Variants in COL17A1 observed in about 807,000 individuals in gnomAD.
COL17A1 encodes collagen type XVII alpha 1 chain, also known as collagen alpha-1(XVII) chain.
Under a neutral mutation model 218.4 loss-of-function variants are expected in COL17A1, and 181 were observed. That is an observed-to-expected ratio of 0.83 (90% confidence interval 0.73 to 0.94). The LOEUF (loss-of-function observed/expected upper bound fraction) is 0.94. Ranked by LOEUF, COL17A1 falls within the 40% of genes least tolerant of loss-of-function variation. The probability of loss-of-function intolerance (pLI) is 0.00; values close to 1 mark genes in which losing one functional copy is unlikely to be tolerated. For missense variants in COL17A1, 1,924 were observed against 1,945.9 expected, an observed-to-expected ratio of 0.99 and a Z score of 0.21; for synonymous variants, 721 against 731.0, an observed-to-expected ratio of 0.99 and a Z score of 0.22.
chr10:104,041,112 C>T lies in COL17A1; in HGVS notation c.2654G>A (p.Gly885Asp). The change falls in exon 39 of 56, where the codon GGT becomes GAT. Residue 885 changes from glycine (G) to aspartate (D), a missense_variant. By Grantham distance (94) the Gly-to-Asp change is moderately conservative. Transcript: ENST00000648076. ...TGGTGGGCCTGGTGGGCCTGGCAAA[C>T]CCTCCCCTAGGAAAGAGAACCCCCA... ...PPGPRGPPGE[G>D]LPGPPGPPGS... 3 of 1,611,400 alleles carry T rather than the reference C, an allele frequency of 1.9e-6. No homozygotes were observed. The highest frequency in any genetic ancestry group is 2.5e-6 in the Non-Finnish European group (3 of 1,178,996).
intron 9 of COL17A1, among the ~76,000 whole-genome samples, chr10:104,066,869 G>A (rs994526207): frequency 1.3e-5 from 2 of 152,166 alleles, no homozygotes; most frequent in African/African-American, 4.8e-5. Flanking sequence ...AAGTCCCTAT[G>A]GGACAGGGAG....
intron 5 of COL17A1, 121 bp from the exon 6 acceptor site, chr10:104,074,352 A>G: frequency 7.2e-7 from 1 of 1,388,720 alleles, no homozygotes; most frequent in Non-Finnish European, 1.0e-6. Context: ...TTCAGGGGGG[A>G]ATGAGGTATG....
Position 104,056,981 on chromosome 10 carries a change from C to G in COL17A1, c.1459G>C (p.Ala487Pro), listed in dbSNP as rs1353914925. The change falls in exon 17 of 56, where the codon GCT becomes CCT. Residue 487 changes from alanine (A) to proline (P), a missense_variant. Transcript: ENST00000648076. The part of the protein sequence containing the change: ...LLLGLLFGLI[A>P]LAEEVRKLKA... Reference sequence around the variant, plus strand: ...TGCTGCCTTTGCCACGTACCCAGAGCAATGAGGCCGAAGAGCAGCCCCAGG... The same window carrying G: ...TGCTGCCTTTGCCACGTACCCAGAGGAATGAGGCCGAAGAGCAGCCCCAGG... 1 of 1,574,674 alleles carries G rather than the reference C, an allele frequency of 6.4e-7. No individual in the cohort carries two copies.
Position 104,042,540 on chromosome 10 carries a change from T to C in COL17A1, c.2516-85A>G. 6 of 1,405,104 alleles carry C rather than the reference T, an allele frequency of 4.3e-6. No individual in the cohort carries two copies. The South Asian group carries it at 7.0e-5, about 16-fold the overall frequency. 87.0% of individuals were successfully genotyped at this position (1,405,104 alleles called of 1,614,324 possible). ...TAAAGGCATAATTCCTCCCAAGGCA[T>C]GGAACAGAGACCCAAAGAGGCCACC... On this transcript the variant is annotated intron_variant, in intron 35 of 55. Transcript: ENST00000648076.
At chr10:104,074,994 CCCTGAGCACT>C (rs2086698148) in intron 5 of COL17A1, among the ~76,000 whole-genome samples, 1 of 152,232 alleles carries the variant, frequency 6.6e-6, no homozygotes, top group African/African-American at 2.4e-5. Context: ...TCCTTCTTGA[CCCTGAGCACT>C]CTCTTGTGTT....
rs150738577 is a variant in COL17A1 at position 104,055,879 on chromosome 10, C to T, written c.1590G>A (p.Ala530=). The T allele has an allele frequency of 2.0e-3, 3,197 of 1,614,208 alleles. 12 individuals are homozygous for T. In the Middle Eastern group the frequency reaches 0.026, roughly 13 times the overall value. Residue 530 remains alanine, a synonymous_variant, in exon 18 of 56, where the codon GCG becomes GCA. Coordinates refer to ENST00000648076, the MANE Select transcript of COL17A1 (RefSeq NM_000494.4). Reference sequence around the variant, plus strand: ...CAATTTTGTCCAGGTCTGCTCCCGCCGCGGGTGCCATGCCCTGGAGGCGGT... The same window carrying T: ...CAATTTTGTCCAGGTCTGCTCCCGCTGCGGGTGCCATGCCCTGGAGGCGGT... ...EKDRLQGMAP[A]AGADLDKIGL... is the part of the protein sequence containing the mutation.
rs376360128 is a variant in COL17A1, at chr10:104,042,489, C to T, written c.2516-34G>A. On this transcript the variant is annotated intron_variant, in intron 35 of 55. Transcript: ENST00000648076. The stretch of plus-strand genomic sequence containing the variant: ...GGGGTTGAGGAAGAAAAGGCTAAAT[C>T]ATGCATGTAGGGTCATAGGAAGAAC... 1.4e-5 allele frequency: 23 copies of T among 1,611,618 alleles called. No homozygotes were observed. In the African/African-American group the frequency reaches 2.8e-4, roughly 20 times the overall value.
intron 52 of COL17A1, among the ~76,000 whole-genome samples, chr10:104,033,698 G>GAGTT (rs1469805812): frequency 6.6e-6 from 1 of 152,164 alleles, no homozygotes; most frequent in Non-Finnish European, 1.5e-5. Context: ...GACCCAGAAC[G>GAGTT]AGCTAGGTGT....
At chr10:104,052,596 A>C (rs946089360) in intron 23 of COL17A1, among the ~76,000 whole-genome samples, 1 of 152,278 alleles carries the variant, frequency 6.6e-6, no homozygotes, top group East Asian at 1.9e-4. Context: ...CACCTTCCCC[A>C]GCCTCTCCAG....
Position 104,061,298 on chromosome 10 carries a change from C to T in COL17A1, c.979+107G>A, listed in dbSNP as rs1165044789. 3.4e-6 allele frequency: 4 copies of T among 1,161,638 alleles called. No individual in the cohort carries two copies. In the African/African-American group the frequency reaches 6.1e-5, roughly 18 times the overall value. 72.0% of individuals were successfully genotyped at this position (1,161,638 alleles called of 1,614,324 possible). A position where few individuals can be genotyped will look rare whatever the true frequency, so the allele number is the denominator to read the frequency against. On this transcript the variant is annotated intron_variant, in intron 13 of 55. Coordinates refer to ENST00000648076, the MANE Select transcript of COL17A1 (RefSeq NM_000494.4). ...TAAGACCACTCATGGGTCCTATTTC[C>T]TCTTCCAGTATACCATGTGTATTGG...
rs200579128 is a variant in COL17A1 at position 104,039,638 on chromosome 10, C to T, written c.2791G>A (p.Glu931Lys). 41 of 1,614,116 alleles carry T rather than the reference C, an allele frequency of 2.5e-5. No homozygotes were observed. In the Middle Eastern group the frequency reaches 5.0e-4, roughly 19 times the overall value. ...GTTGAGAAACCTGGGAGGCCTTGCTCGCCTGAGGAACACACCAAGGGAGGG... is the reference window on the plus strand; with the variant it reads ...GTTGAGAAACCTGGGAGGCCTTGCTTGCCTGAGGAACACACCAAGGGAGGG... ...GPPGPRGHQG[E>K]QGLPGFSTSG... Residue 931 changes from glutamate (E) to lysine (K), a missense_variant and splice_region_variant, in exon 42 of 56, where the codon GAG becomes AAG. Coordinates refer to ENST00000648076, the MANE Select transcript of COL17A1 (RefSeq NM_000494.4).
intron 53 of COL17A1, 108 bp from the exon 54 acceptor site, chr10:104,033,076 G>A (rs1217295720): frequency 9.2e-6 from 14 of 1,517,154 alleles, no homozygotes; most frequent in Middle Eastern, 1.7e-4. Flanking sequence ...GAGTTTGGAC[G>A]TGTAAGAGGA....
Position 104,072,047 on chromosome 10 carries a change from A to C in COL17A1, c.448T>G (p.Ser150Ala). 1 of 1,614,032 alleles carries C rather than the reference A, an allele frequency of 6.2e-7. No homozygotes were observed. Among genetic ancestry groups the C allele is most frequent in the East Asian group, 2.2e-5 (1 of 44,876 alleles). ...GACCACTTACATCGGGTGGATGGGG[A>C]CGCACTCTGCAGTCGAACTCGAATT... Reference protein sequence around the residue: ...SEIRVRLQSASPSTRWTELDD... With the variant: ...SEIRVRLQSAAPSTRWTELDD... The change falls in exon 8 of 56, where the codon TCC (serine) becomes GCC (alanine). Residue 150 changes from serine (S) to alanine (A), a missense_variant. Physicochemically the swap from Ser to Ala is moderately conservative, Grantham distance 99. Coordinates refer to ENST00000648076, the MANE Select transcript of COL17A1 (RefSeq NM_000494.4).
chr10:104,046,638 G>T (rs770399820), intron 32 of COL17A1, 109 bp downstream of exon 32: 5 of 1,022,686 alleles, frequency 4.9e-6, no homozygotes, highest in African/African-American at 1.6e-5. Flanking sequence ...GTGTGCCAGG[G>T]AGTTGGTGGA....
chr10:104,073,096 G>A, intron 7 of COL17A1, 114 bp downstream of exon 7: 1 of 961,122 alleles, frequency 1.0e-6, no homozygotes, highest in South Asian at 1.3e-5. Flanking sequence ...CAGAAAGCAT[G>A]CCTTATTTAT....
intron 10 of COL17A1, 115 bp from the exon 11 acceptor site, chr10:104,063,933 G>A: frequency 6.8e-7 from 1 of 1,478,954 alleles, no homozygotes; most frequent in Non-Finnish European, 9.2e-7. Context: ...TTATATTTTG[G>A]TAAATTTTTG....
intron 49 of COL17A1, 45 bp downstream of exon 49, chr10:104,035,429 C>A (rs2086270078): frequency 6.2e-7 from 1 of 1,613,486 alleles, no homozygotes; most frequent in East Asian, 2.2e-5. Context: ...AGGGACTCTG[C>A]TTCCTCCCCA....
Position 104,076,357 on chromosome 10 carries a change from T to C in COL17A1, c.275A>G (p.Asn92Ser). ...CCTTTCAAAGGTTGAGCCTGGGGAG[T>C]TGGGCAGAGTGGAGGCAGGTGAGTG... is the stretch of plus-strand genomic sequence containing the variant. ...RAHSPASTLP[N>S]SPGSTFERKT... is the part of the protein sequence containing the mutation. The change falls in exon 5 of 56, where the codon AAC (asparagine) becomes AGC (serine). Residue 92 changes from asparagine to serine, a missense_variant. Asn to Ser is a conservative substitution (Grantham distance 46). Transcript: ENST00000648076. The C allele has an allele frequency of 2.5e-6, 4 of 1,613,966 alleles. No homozygotes were observed. The South Asian group carries it at 4.4e-5, about 18-fold the overall frequency.
At chr10:104,074,264 G>A in intron 5 of COL17A1, 33 bp from the exon 6 acceptor site, 6 of 1,614,048 alleles carry the variant, frequency 3.7e-6, no homozygotes, top group Non-Finnish European at 4.2e-6. Context: ...AGAACAAATG[G>A]CCTCTTAGGC....
Sources: gnomAD v4.1 joint callset for allele counts (sites outside exome capture counted in the v4.1 genomes callset) on GRCh38, gnomAD v4.1.1 for gene constraint, MANE v1.5 for transcripts, NCBI Gene and HGNC (gene_info 2026-07-23, HGNC 2026-07-21) for gene names.